MDGA1: variants seen among roughly 807,000 people sequenced by gnomAD.
The protein encoded by MDGA1 is MAM domain containing glycosylphosphatidylinositol anchor 1.
MDGA1 carries 54 observed loss-of-function variants against 101.5 expected under a neutral mutation model. The ratio of observed to expected loss-of-function variants is 0.53; its 90% CI spans 0.43 to 0.67. The LOEUF (loss-of-function observed/expected upper bound fraction) is 0.67, where lower values mean the gene tolerates loss of function less well. Ranked by LOEUF, MDGA1 falls within the 30% of genes least tolerant of loss-of-function variation. MDGA1 has a pLI of 0.00. For synonymous variants in MDGA1, 533 were observed against 558.3 expected, an observed-to-expected ratio of 0.95 and a Z score of 0.64; for missense variants, 1,083 against 1,323.8, an observed-to-expected ratio of 0.82 and a Z score of 2.82.
At chr6:37,671,114 G>A (rs536945995) in intron 1 of MDGA1, among the ~76,000 whole-genome samples, 275 of 152,238 alleles carry the variant, frequency 1.8e-3, no homozygotes, top group South Asian at 8.7e-3. Context: ...CCATGGAAAA[G>A]GAAAACAGCC....
chr6:37,675,927 GA>G (rs1432600294), intron 1 of MDGA1, among the ~76,000 whole-genome samples: 2 of 152,170 alleles, frequency 1.3e-5, no homozygotes, highest in Non-Finnish European at 2.9e-5. Flanking sequence ...CAAGCCCACG[GA>G]AACAGTAATT....
intron 1 of MDGA1, among the ~76,000 whole-genome samples, chr6:37,666,941 T>C (rs1402165397): frequency 1.3e-5 from 2 of 152,166 alleles, no homozygotes; most frequent in Non-Finnish European, 2.9e-5. Context: ...TGGACATTAG[T>C]TTTCTCATCT....
rs1763949749 is a variant in MDGA1 at position 37,637,254 on chromosome 6, T to TGGCG, written c.*110_*113dup. 1.3e-6 allele frequency: 1 copy of TGGCG among 768,288 alleles called. No individual in the cohort carries two copies. Among genetic ancestry groups the TGGCG allele is most frequent in the African/African-American group, 1.7e-5 (1 of 57,846 alleles). 47.6% of individuals were successfully genotyped at this position (768,288 alleles called of 1,614,324 possible). On this transcript the variant is annotated 3_prime_UTR_variant, in exon 17 of 17. Transcript: ENST00000434837. ...TTGCAGCCAATGCAGGCCCCCTCCCTGGCGGGCCGGCCCTGCCCCTGGGCA... is the reference window on the plus strand; with the variant it reads ...TTGCAGCCAATGCAGGCCCCCTCCCTGGCGGGCGGGCCGGCCCTGCCCCTGGGCA...
At chr6:37,644,678 G>C (rs545668449) in intron 12 of MDGA1, 29 bp from the exon 13 acceptor site, 2 of 1,513,328 alleles carry the variant, frequency 1.3e-6, no homozygotes, top group Non-Finnish European at 8.9e-7. Flanking sequence ...ATGAGACAAA[G>C]AGTCAGCCTC....
rs1763814768 is a variant in MDGA1, at chr6:37,630,963, A to C, written c.*6405T>G. Reference sequence around the variant, plus strand: ...CCAAGAGGCCTGAGCTGAAGCTCCAAGGCATCTTCAACTCAGCATGTCACA... The same window carrying C: ...CCAAGAGGCCTGAGCTGAAGCTCCACGGCATCTTCAACTCAGCATGTCACA... On this transcript the variant is annotated 3_prime_UTR_variant, in exon 17 of 17. Coordinates refer to ENST00000434837, the MANE Select transcript of MDGA1 (RefSeq NM_153487.4). 1 of 152,224 alleles carries C rather than the reference A, an allele frequency of 6.6e-6. No individual in the cohort carries two copies. The highest frequency in any genetic ancestry group is 2.4e-5 in the African/African-American group (1 of 41,448). 9.4% of individuals were successfully genotyped at this position (152,224 alleles called of 1,614,324 possible).
At chr6:37,637,491 G>C in intron 16 of MDGA1, 32 bp from the exon 17 acceptor site, 1 of 1,596,766 alleles carries the variant, frequency 6.3e-7, no homozygotes, top group South Asian at 1.1e-5. Flanking sequence ...AGACAGGCCA[G>C]GGCTCTGGTC....
rs1561847871 is a variant in MDGA1, at chr6:37,655,763, A to T, written c.516T>A (p.Gly172=). Residue 172 remains glycine, a synonymous_variant, in exon 4 of 17, where the codon GGT becomes GGA. Coordinates refer to ENST00000434837, the MANE Select transcript of MDGA1 (RefSeq NM_153487.4). This position sits in a 1 kb window ranked among gnomAD's most constrained non-coding sequence, Gnocchi z 5.1. ...NPPARFIWKR[G]SDTLSHSQDN... The stretch of plus-strand genomic sequence containing the variant: ...CCTGGCTGTGGGATAGGGTATCGGA[A>T]CCCCGCTTCCAGATGAAGCGGGCAG... 6.2e-7 allele frequency: 1 copy of T among 1,612,680 alleles called. No individual in the cohort carries two copies.
chr6:37,695,853 C>T (rs909427320), intron 1 of MDGA1, among the ~76,000 whole-genome samples: 5 of 152,240 alleles, frequency 3.3e-5, no homozygotes, highest in East Asian at 3.8e-4. Context: ...ATTTTTTGTG[C>T]TGTGGGGTTA....
intron 2 of MDGA1, among the ~76,000 whole-genome samples, chr6:37,662,634 C>CA (rs59902841): frequency 0.089 from 3,895 of 44,002 alleles, 179 homozygotes; most frequent in African/African-American, 0.16. Context: ...GACCCCATCT[C>CA]AAAAAAAAAA....
At chr6:37,648,895 AGGCAAAGAATCACCCG>A in intron 9 of MDGA1, 71 bp downstream of exon 9, 1 of 1,468,348 alleles carries the variant, frequency 6.8e-7, no homozygotes, top group East Asian at 2.7e-5. Context: ...AGGCCCACCC[AGGCAAAGAATCACCCG>A]GGCTGGGATT....
At chr6:37,649,741 G>A in intron 8 of MDGA1, 1 of 472,530 alleles carries the variant, frequency 2.1e-6, no homozygotes, top group Non-Finnish European at 4.0e-6. Context: ...ATGAGTTAGT[G>A]CATTAAAACT....
At chr6:37,663,912 G>C in intron 2 of MDGA1, 55 bp downstream of exon 2, 1 of 1,602,850 alleles carries the variant, frequency 6.2e-7, no homozygotes, top group Non-Finnish European at 8.5e-7. Flanking sequence ...TAAGTGCTGA[G>C]CCTAGGCAAG....
At position 37,648,975 on chromosome 6, in the gene MDGA1, C is replaced by T; in HGVS notation, c.1894+7G>A. On this transcript the variant is annotated splice_region_variant and intron_variant, in intron 9 of 16. Coordinates refer to ENST00000434837, the MANE Select transcript of MDGA1 (RefSeq NM_153487.4). ...GGTAGGTGGGGCGGGACCCACTGGA[C>T]GCTCACCGGAGACCTGGAAGAGGCA... The T allele has an allele frequency of 1.9e-6, 3 of 1,550,920 alleles. No homozygotes were observed. Among genetic ancestry groups the T allele is most frequent in the Non-Finnish European group, 8.7e-7 (1 of 1,148,788 alleles).
chr6:37,663,760 C>A (rs936583300), intron 2 of MDGA1, among the ~76,000 whole-genome samples: 1 of 152,190 alleles, frequency 6.6e-6, no homozygotes, highest in Non-Finnish European at 1.5e-5. Flanking sequence ...CTCAGCCGTC[C>A]ATGTTTTCAG....
At chr6:37,689,212 T>C (rs1762258706) in intron 1 of MDGA1, among the ~76,000 whole-genome samples, 1 of 152,194 alleles carries the variant, frequency 6.6e-6, no homozygotes, top group Non-Finnish European at 1.5e-5. Flanking sequence ...CCCAGGGCTC[T>C]GGCCTCAGCC....
Position 37,696,729 on chromosome 6 carries a change from G to A in MDGA1, c.67+16C>T. The A allele has an allele frequency of 1.3e-6, 2 of 1,570,684 alleles. No individual in the cohort carries two copies. Among genetic ancestry groups the A allele is most frequent in the Non-Finnish European group, 1.7e-6 (2 of 1,156,946 alleles). ...CGCGAGGTTAAGCCAAGGTGGAGCG[G>A]GACGCGGGCTCTTACCGTAGACTCC... On this transcript the variant is annotated intron_variant, in intron 1 of 16. Transcript: ENST00000434837. The surrounding 1 kb of genome is among the most constrained non-coding windows in gnomAD (Gnocchi z 5.6).
chr6:37,687,073 C>T (rs972636153), intron 1 of MDGA1, among the ~76,000 whole-genome samples: 2 of 152,136 alleles, frequency 1.3e-5, no homozygotes, highest in South Asian at 2.1e-4. Flanking sequence ...ACTCCACCAC[C>T]GCCTAACTGT....
chr6:37,653,567 C>T (rs1306739211), intron 6 of MDGA1, among the ~76,000 whole-genome samples: 3 of 151,954 alleles, frequency 2.0e-5, no homozygotes, highest in South Asian at 2.1e-4. Flanking sequence ...CAACTTGAAT[C>T]GATGCTCTCA....
chr6:37,680,430 A>G (rs962094673), intron 1 of MDGA1, among the ~76,000 whole-genome samples: 2 of 152,360 alleles, frequency 1.3e-5, no homozygotes, highest in African/African-American at 4.8e-5. Flanking sequence ...AGATGCATGA[A>G]GGAGGTGACA....
Sources: allele counts gnomAD v4.1 joint callset (sites outside exome capture counted in the v4.1 genomes callset), GRCh38; gene constraint gnomAD v4.1.1; non-coding constraint Gnocchi (gnomAD v3.1); transcripts MANE v1.5; gene names NCBI Gene and HGNC (gene_info 2026-07-23, HGNC 2026-07-21).